The following KIF21A variants were observed in gnomAD, a reference collection of about 807,000 sequenced individuals.
The protein encoded by KIF21A is kinesin-like protein KIF21A.
Under a neutral mutation model 202.9 loss-of-function variants are expected in KIF21A, and 114 were observed. The observed-to-expected ratio is 0.56, with a 90% CI of 0.48 to 0.66. The LOEUF (loss-of-function observed/expected upper bound fraction) is 0.66. KIF21A is among the 30% of genes least tolerant of loss of function. The pLI is 0.00. For missense variants in KIF21A, 1,677 were observed against 1,994.9 expected, an observed-to-expected ratio of 0.84 and a Z score of 3.04; for synonymous variants, 667 against 670.8, an observed-to-expected ratio of 0.99 and a Z score of 0.09.
At chr12:39,392,040 A>T (rs550498403) in intron 1 of KIF21A, among the ~76,000 whole-genome samples, 2 of 152,180 alleles carry the variant, frequency 1.3e-5, no homozygotes, top group South Asian at 4.1e-4. Context: ...ACCCAGCCTT[A>T]AACTGCAATT....
At chr12:39,311,073 G>C (rs770905966) in intron 32 of KIF21A, among the ~76,000 whole-genome samples, 1 of 151,886 alleles carries the variant, frequency 6.6e-6, no homozygotes, top group African/African-American at 2.4e-5. Context: ...CAGAAATAGT[G>C]GTTGCTATGC....
intron 1 of KIF21A, among the ~76,000 whole-genome samples, chr12:39,377,922 ACT>A (rs1238628372): frequency 6.6e-6 from 1 of 151,876 alleles, no homozygotes; most frequent in African/African-American, 2.4e-5. Flanking sequence ...TCTGTATTCT[ACT>A]CTCTCATCTC....
At chr12:39,332,473 A>ATTGG in intron 20 of KIF21A, 65 bp from the exon 21 acceptor site, 1 of 787,546 alleles carries the variant, frequency 1.3e-6, no homozygotes, top group Non-Finnish European at 2.0e-6. Context: ...GTACCATCAA[A>ATTGG]CCCCCCCACC....
chr12:39,436,448 A>ATATATATATATATATATATATT (rs1387332677), intron 1 of KIF21A, among the ~76,000 whole-genome samples: 15 of 95,752 alleles, frequency 1.6e-4, no homozygotes, highest in African/African-American at 7.1e-4. Flanking sequence ...ATATATATAT[A>ATATATATATATATATATATATT]TTTTTTTTTT....
intron 12 of KIF21A, among the ~76,000 whole-genome samples, chr12:39,342,492 C>A (rs897321889): frequency 6.6e-6 from 1 of 151,788 alleles, no homozygotes; most frequent in African/African-American, 2.4e-5. Flanking sequence ...CATCTGAATA[C>A]AAAAAAACTT....
intron 24 of KIF21A, among the ~76,000 whole-genome samples, chr12:39,329,178 C>T (rs1403235660): frequency 6.6e-6 from 1 of 152,122 alleles, no homozygotes; most frequent in Admixed American, 6.6e-5. Context: ...TAGCTCCTTT[C>T]GTCTAGAGAG....
intron 14 of KIF21A, 138 bp downstream of exon 14, chr12:39,341,367 C>G: frequency 7.5e-6 from 6 of 797,042 alleles, no homozygotes; most frequent in Non-Finnish European, 1.2e-5. Context: ...AGCACATAAG[C>G]CTTGGAAGGC....
chr12:39,319,966 G>C lies in KIF21A; in HGVS notation c.3719C>G (p.Pro1240Arg). 1 of 1,609,720 alleles carries C rather than the reference G, an allele frequency of 6.2e-7. No individual in the cohort carries two copies. The highest frequency in any genetic ancestry group is 8.5e-7 in the Non-Finnish European group (1 of 1,177,338). The change falls in exon 28 of 38, where the codon CCT becomes CGT. Residue 1240 changes from proline (P) to arginine (R), a missense_variant. This residue lies in a region of KIF21A where 705 missense variants were observed against 791.9 expected (regional missense o/e 0.89). Coordinates refer to ENST00000361418, the MANE Select transcript of KIF21A (RefSeq NM_001173464.2). ...LSEKKIPEPSPVTRRKAYEKA... is the reference protein window; with the variant it reads ...LSEKKIPEPSRVTRRKAYEKA... ...CTCATATGCCTTTCTCCTTGTTACA[G>C]GAGAAGGCTCTGGAATTTTTTTTTC...
intron 3 of KIF21A, among the ~76,000 whole-genome samples, chr12:39,369,095 T>C (rs1429505375): frequency 2.0e-5 from 3 of 152,218 alleles, no homozygotes; most frequent in Non-Finnish European, 2.9e-5. Context: ...TCCCCTACTT[T>C]TGGCCTTAGT....
intron 1 of KIF21A, among the ~76,000 whole-genome samples, chr12:39,379,781 C>CCACTTCTTATA: frequency 1.3e-5 from 2 of 152,176 alleles, no homozygotes; most frequent in Non-Finnish European, 2.9e-5. Context: ...TATACCATAG[C>CCACTTCTTATA]CAGTGGTACA....
intron 1 of KIF21A, among the ~76,000 whole-genome samples, chr12:39,376,901 T>C (rs1334246605): frequency 6.6e-6 from 1 of 152,212 alleles, no homozygotes; most frequent in African/African-American, 2.4e-5. Context: ...AGAAGAGGAA[T>C]AACATACAAC....
chr12:39,368,101 A>G (rs1565999736), intron 3 of KIF21A, 69 bp from the exon 4 acceptor site: 1 of 916,718 alleles, frequency 1.1e-6, no homozygotes, highest in Non-Finnish European at 1.7e-6. Context: ...ACAACACATT[A>G]CATAATGATT....
Position 39,355,741 on chromosome 12 carries a change from T to C in KIF21A, c.1469+1091A>G, listed in dbSNP as rs529946957. Among the ~76,000 whole-genome samples the C allele has an allele frequency of 2.5e-3, 264 of 105,100 alleles. 5 individuals carry two copies. Among genetic ancestry groups the C allele is most frequent in the African/African-American group, 0.012 (246 of 20,442 alleles). The allele number at this position is 105,100 out of a possible 152,430, so 68.9% of individuals were successfully genotyped here. A position where few individuals can be genotyped will look rare whatever the true frequency, so the allele number is the denominator to read the frequency against. On this transcript the variant is annotated intron_variant, in intron 10 of 37. Coordinates refer to ENST00000361418, the MANE Select transcript of KIF21A (RefSeq NM_001173464.2). Reference sequence around the variant, plus strand: ...TATATATATATATATATATGTTATATGCATAACATTTATAATATATATGTA... The same window carrying C: ...TATATATATATATATATATGTTATACGCATAACATTTATAATATATATGTA...
rs1466720080 is a variant in KIF21A at position 39,340,956 on chromosome 12, T to C, written c.2060A>G (p.His687Arg). 2 of 1,613,384 alleles carry C rather than the reference T, an allele frequency of 1.2e-6. No homozygotes were observed. The highest frequency in any genetic ancestry group is 2.2e-5 in the East Asian group (1 of 44,796). ...QYEEKLMMLQ[H>R]KIRDTQLERD... The stretch of plus-strand genomic sequence containing the variant: ...TTCAAGCTGAGTATCCCGAATTTTA[T>C]GTTGCAGCATCATTAGCTTCTCTTC... The change falls in exon 15 of 38, where the codon CAT becomes CGT. Residue 687 changes from histidine to arginine, a missense_variant. Transcript: ENST00000361418.
intron 31 of KIF21A, chr12:39,312,781 A>G (rs1189335218): frequency 6.6e-6 from 1 of 152,020 alleles, no homozygotes; most frequent in East Asian, 1.9e-4. Context: ...TATAAAGATT[A>G]TCAAAACATT....
intron 1 of KIF21A, among the ~76,000 whole-genome samples, chr12:39,408,086 G>T (rs2139993843): frequency 6.6e-6 from 1 of 152,042 alleles, no homozygotes; most frequent in Admixed American, 6.6e-5. Context: ...ATACATTAAA[G>T]AATGGAGAAG....
At chr12:39,409,390 A>G (rs1952889223) in intron 1 of KIF21A, among the ~76,000 whole-genome samples, 1 of 122,098 alleles carries the variant, frequency 8.2e-6, no homozygotes, top group Admixed American at 7.4e-5. Context: ...TTAAAAAAAC[A>G]AAAAAAAAGA....
At chr12:39,375,638 A>T (rs1365697271) in intron 1 of KIF21A, among the ~76,000 whole-genome samples, 1 of 152,110 alleles carries the variant, frequency 6.6e-6, no homozygotes, top group African/African-American at 2.4e-5. Flanking sequence ...CACCAGGTCA[A>T]ATCAACATGA....
chr12:39,409,053 C>A (rs1241656486), intron 1 of KIF21A, among the ~76,000 whole-genome samples: 2 of 151,694 alleles, frequency 1.3e-5, no homozygotes, highest in Non-Finnish European at 1.5e-5. Context: ...CCAGGCTGGT[C>A]TCTAACTCCT....
Sources: gnomAD v4.1 joint callset for allele counts (sites outside exome capture counted in the v4.1 genomes callset) on GRCh38, gnomAD v4.1.1 for gene constraint, gnomAD v4.1.1 regional missense constraint, MANE v1.5 for transcripts, NCBI Gene and HGNC (gene_info 2026-07-23, HGNC 2026-07-21) for gene names.